TDRD12: variants seen among roughly 807,000 people sequenced by gnomAD.
TDRD12 encodes the protein tudor domain containing 12.
In TDRD12, 158 loss-of-function variants were observed where a neutral mutation model predicts 133.5. That is an observed-to-expected ratio of 1.18 (90% confidence interval 1.04 to 1.35). TDRD12 has a LOEUF of 1.35. Among genes scored for constraint, TDRD12 ranks in the 40% most tolerant of loss-of-function variants. The pLI is 0.00. For synonymous variants in TDRD12, 460 were observed against 477.9 expected (o/e 0.96, Z 0.49); for missense variants, 1,443 against 1,321.3 (o/e 1.09, Z -1.43).
At chr19:32,813,873 GA>G (rs1967089615) in intron 25 of TDRD12, 97 bp downstream of exon 25, 1 of 707,354 alleles carries the variant, frequency 1.4e-6, no homozygotes, top group African/African-American at 1.8e-5. Flanking sequence ...CTGCTGCATA[GA>G]AACGGTGACT....
chr19:32,801,425 G>A (rs1971386946), intron 18 of TDRD12, among the ~76,000 whole-genome samples: 1 of 152,142 alleles, frequency 6.6e-6, no homozygotes. Flanking sequence ...TGGTACTGTA[G>A]TCAACCAGGA....
chr19:32,719,781 C>T (rs1441584818), exon 1 of TDRD12: 2 of 530,638 alleles, frequency 3.8e-6, no homozygotes, highest in East Asian at 6.6e-5. Flanking sequence ...TCAGCGTGCG[C>T]GGGCATCCGG....
chr19:32,742,562 A>G (rs1220372533), intron 3 of TDRD12, among the ~76,000 whole-genome samples: 7 of 152,136 alleles, frequency 4.6e-5, no homozygotes, highest in African/African-American at 1.7e-4. Context: ...TGCTTTATGT[A>G]TCAAAAGAGT....
At position 32,813,683 on chromosome 19, in the gene TDRD12, G is replaced by A. The variant is rs1455572339; in HGVS notation, c.3049-1G>A. The A allele has an allele frequency of 6.6e-7, 1 of 1,514,294 alleles. No homozygotes were observed. The highest frequency in any genetic ancestry group is 8.8e-7 in the Non-Finnish European group (1 of 1,130,332). The allele number at this position is 1,514,294 out of a possible 1,614,324, so 93.8% of individuals were successfully genotyped here. ...AAAATAATGTTAAGTGCTTTTTTCA[G>A]GTTACTAGGTACATTCATCATAAAA... On this transcript the variant is annotated splice_acceptor_variant, in intron 24 of 27. Coordinates refer to ENST00000444215, the Ensembl canonical transcript of TDRD12. LOFTEE classifies it high-confidence loss of function.
intron 11 of TDRD12, 29 bp downstream of exon 11, chr19:32,777,258 T>TCAAAATTCAAA: frequency 8.0e-7 from 1 of 1,253,458 alleles, no homozygotes; most frequent in Non-Finnish European, 1.1e-6. Context: ...GCCTGAATTG[T>TCAAAATTCAAA]GTATTGAAAT....
At chr19:32,757,077 A>G (rs932758733) in exon 8 of TDRD12, 3 of 1,551,804 alleles carry the variant, frequency 1.9e-6, no homozygotes, top group Non-Finnish European at 2.6e-6. Flanking sequence ...TCTCTGCAAC[A>G]TACATGGTGC....
intron 13 of TDRD12, among the ~76,000 whole-genome samples, chr19:32,791,704 C>G (rs530331334): frequency 6.6e-6 from 1 of 152,186 alleles, no homozygotes; most frequent in Admixed American, 6.5e-5. Context: ...GTATTGTTCT[C>G]AGCAGCAAGG....
Position 32,802,671 on chromosome 19 carries a change from GC to G in TDRD12, c.2214del (p.Cys738TrpfsTer13). 1 of 1,536,184 alleles carries G rather than the reference GC, an allele frequency of 6.5e-7. No homozygotes were observed. The highest frequency in any genetic ancestry group is 2.4e-5 in the East Asian group (1 of 40,916). On this transcript the variant is annotated frameshift_variant, in exon 20 of 28. Coordinates refer to ENST00000444215, the Ensembl canonical transcript of TDRD12. LOFTEE classifies it high-confidence loss of function. ...CTCTCTGCAGCCCTCACAGACGACT[GC>G]GTCCCACTCTTGGCCATCACCGATG...
intron 19 of TDRD12, among the ~76,000 whole-genome samples, chr19:32,802,163 G>A (rs531566324): frequency 7.1e-6 from 1 of 140,036 alleles, no homozygotes; most frequent in Non-Finnish European, 1.5e-5. Context: ...ATATATATAT[G>A]ATAATATATA....
intron 8 of TDRD12, among the ~76,000 whole-genome samples, chr19:32,769,770 G>A (rs1394498236): frequency 6.6e-6 from 1 of 152,036 alleles, no homozygotes; most frequent in Admixed American, 6.5e-5. Context: ...CTGAGCAGCT[G>A]GGATTACAGG....
exon 7 of TDRD12, chr19:32,756,104 C>G: frequency 1.4e-6 from 2 of 1,479,850 alleles, no homozygotes; most frequent in South Asian, 2.8e-5. Flanking sequence ...AAATCAGCAC[C>G]CTCCTTCAAT....
At chr19:32,826,355 C>T (rs1035486950) in exon 8 of TDRD12, 27 of 682,876 alleles carry the variant, frequency 4.0e-5, no homozygotes, top group Non-Finnish European at 5.0e-5. Flanking sequence ...GAGTCGTTTT[C>T]AGGTAGGTTT....
intron 11 of TDRD12, among the ~76,000 whole-genome samples, chr19:32,779,693 C>T (rs1970706501): frequency 2.0e-5 from 3 of 152,170 alleles, no homozygotes; most frequent in African/African-American, 4.8e-5. Context: ...TGCCAGCTTC[C>T]GCCCAGCCCG....
intron 4 of TDRD12, among the ~76,000 whole-genome samples, chr19:32,747,295 T>C (rs1969681869): frequency 6.6e-6 from 1 of 152,244 alleles, no homozygotes; most frequent in South Asian, 2.1e-4. Flanking sequence ...TCTTTGTGTG[T>C]AACAAGGTTT....
chr19:32,730,364 G>C (rs539921187), intron 1 of TDRD12, among the ~76,000 whole-genome samples: 1 of 152,150 alleles, frequency 6.6e-6, no homozygotes, highest in Non-Finnish European at 1.5e-5. Context: ...GGGAAAAGCC[G>C]TGTAAAAGTG....
intron 26 of TDRD12, 131 bp from the exon 27 acceptor site, chr19:32,817,958 G>A (rs1967238525): frequency 1.0e-5 from 7 of 668,502 alleles, no homozygotes; most frequent in African/African-American, 3.8e-5. Context: ...TTTAGAAGCA[G>A]GCCTCTGTCT....
chr19:32,819,464 A>G (rs909620118), intron 27 of TDRD12, among the ~76,000 whole-genome samples: 1 of 152,132 alleles, frequency 6.6e-6, no homozygotes, highest in African/African-American at 2.4e-5. Context: ...CTTTTAAGAT[A>G]CTTTTTTAGA....
chr19:32,807,267 TAAAAAAAAA>T (rs59421213), intron 21 of TDRD12, among the ~76,000 whole-genome samples: 1,702 of 47,142 alleles, frequency 0.036, 20 homozygotes, highest in Middle Eastern at 0.096. Flanking sequence ...ACCAAACTCT[TAAAAAAAAA>T]AAAAAAAAAA....
At chr19:32,731,791 G>T in exon 2 of TDRD12, 7 of 1,551,108 alleles carry the variant, frequency 4.5e-6, no homozygotes, top group Non-Finnish European at 6.1e-6. Context: ...TCATGATGTC[G>T]ATTATCAAAA....
Sources: allele counts gnomAD v4.1 joint callset (sites outside exome capture counted in the v4.1 genomes callset), GRCh38; gene constraint gnomAD v4.1.1; transcripts MANE v1.5; gene names NCBI Gene and HGNC (gene_info 2026-07-23, HGNC 2026-07-21).